Variants in CLSTN3 observed in about 807,000 individuals in gnomAD.
The protein encoded by CLSTN3 is calsyntenin 3, also known as calsyntenin-3.
In CLSTN3, 36 loss-of-function variants were observed where a neutral mutation model predicts 95.9. The observed-to-expected ratio is 0.38, with a 90% CI of 0.29 to 0.50. The LOEUF (loss-of-function observed/expected upper bound fraction) is 0.50. Ranked by LOEUF, CLSTN3 falls within the 20% of genes least tolerant of loss-of-function variation. The pLI is 0.95. For missense variants in CLSTN3, 1,084 were observed against 1,268.8 expected (o/e 0.85, Z 2.21); for synonymous variants, 481 against 504.0 (o/e 0.95, Z 0.61).
rs543988200 is a variant in CLSTN3 at position 7,142,752 on chromosome 12, CT to C, written c.1541-110del. The C allele has an allele frequency of 1.9e-3, 1,092 of 562,502 alleles. 3 individuals carry two copies. The highest frequency in any genetic ancestry group is 2.4e-3 in the Non-Finnish European group (906 of 370,376). 34.8% of individuals were successfully genotyped at this position (562,502 alleles called of 1,614,324 possible). ...TTTTTTTTTGGTTTCCACATTTCTC[CT>C]TTTTTTCTTTCTCAACTCTTCTGCT... is the stretch of plus-strand genomic sequence containing the variant. On this transcript the variant is annotated intron_variant, in intron 10 of 17. Transcript: ENST00000266546.
intron 12 of CLSTN3, among the ~76,000 whole-genome samples, chr12:7,147,690 T>A (rs771646041): frequency 6.6e-6 from 1 of 151,684 alleles, no homozygotes; most frequent in Non-Finnish European, 1.5e-5. Context: ...AATTTTTGTA[T>A]TTTTTGTAGA....
chr12:7,136,022 T>G, intron 5 of CLSTN3, 69 bp downstream of exon 5: 2 of 1,544,114 alleles, frequency 1.3e-6, no homozygotes, highest in Non-Finnish European at 1.7e-6. Flanking sequence ...CTGTCCTTTC[T>G]GACAATCATG....
At position 7,130,657 on chromosome 12, in the gene CLSTN3, C is replaced by T. The variant is rs1565647134; in HGVS notation, c.9C>T (p.Leu3=). 37 of 1,571,022 alleles carry T rather than the reference C, an allele frequency of 2.4e-5. No individual in the cohort carries two copies. Among genetic ancestry groups the T allele is most frequent in the East Asian group, 4.6e-5 (2 of 43,212 alleles). ...CTGCCCCACGCCGCACCATGACCCTCCTGCTGCTGCCCCTTCTGCTGGCCT... is the reference window on the plus strand; with the variant it reads ...CTGCCCCACGCCGCACCATGACCCTTCTGCTGCTGCCCCTTCTGCTGGCCT... The part of the protein sequence containing the change: MT[L]LLLPLLLASL... The change falls in exon 1 of 18, where the codon CTC becomes CTT. Residue 3 remains leucine, a synonymous_variant. Transcript: ENST00000266546.
intron 16 of CLSTN3, among the ~76,000 whole-genome samples, chr12:7,152,333 C>A (rs769560098): frequency 6.6e-6 from 1 of 152,288 alleles, no homozygotes; most frequent in African/African-American, 2.4e-5. Context: ...CTTTCAGAGC[C>A]AATTTATGAG....
chr12:7,151,021 G>C lies in CLSTN3; in HGVS notation c.2485G>C (p.Glu829Gln), dbSNP rs1939714494. ...FLHRGHQPPP[E>Q]MAGHSLASSH... is the part of the protein sequence containing the mutation. ...GCACCGTGGTCACCAGCCCCCGCCT[G>C]AGATGGCTGGACACAGCCTAGCCAG... is the stretch of plus-strand genomic sequence containing the variant. The change falls in exon 16 of 18, where the codon GAG (glutamate) becomes CAG (glutamine). Residue 829 changes from glutamate (E) to glutamine (Q), a missense_variant. Glu to Gln is a conservative substitution (Grantham distance 29). Coordinates refer to ENST00000266546, the MANE Select transcript of CLSTN3 (RefSeq NM_014718.4). 1 of 1,612,140 alleles carries C rather than the reference G, an allele frequency of 6.2e-7. No homozygotes were observed. The highest frequency in any genetic ancestry group is 8.5e-7 in the Non-Finnish European group (1 of 1,178,912).
intron 4 of CLSTN3, 36 bp downstream of exon 4, chr12:7,135,571 C>A (rs1939395615): frequency 6.2e-7 from 1 of 1,600,400 alleles, no homozygotes; most frequent in Non-Finnish European, 8.6e-7. Flanking sequence ...CCACCCAGTT[C>A]CCCTTGAGCA....
At position 7,130,450 on chromosome 12, in the gene CLSTN3, C is replaced by T; in HGVS notation, c.-199C>T. The T allele has an allele frequency of 8.2e-6, 12 of 1,464,998 alleles. No homozygotes were observed. The highest frequency in any genetic ancestry group is 2.7e-5 in the South Asian group (2 of 72,974). The allele number at this position is 1,464,998 out of a possible 1,614,324, so 90.7% of individuals were successfully genotyped here. A position where few individuals can be genotyped will look rare whatever the true frequency, so the allele number is the denominator to read the frequency against. The stretch of plus-strand genomic sequence containing the variant: ...GGGAAACGGGAAGCCGCTGCAAGTC[C>T]ACCGCCTCAGCTACCCAGATTGGGA... On this transcript the variant is annotated 5_prime_UTR_variant, in exon 1 of 18. Transcript: ENST00000266546.
rs925043179 is a variant in CLSTN3, at chr12:7,137,677, T to C, written c.1211-278T>C. Among the ~76,000 whole-genome samples, 1 of 151,162 alleles carries C rather than the reference T, an allele frequency of 6.6e-6. No individual in the cohort carries two copies. Among genetic ancestry groups the C allele is most frequent in the African/African-American group, 2.4e-5 (1 of 41,100 alleles). ...CAAAGGACTGATGAAGAGCTGGTGATGGAGTGGGCCAGCTGATGTTCCCTC... is the reference window on the plus strand; with the variant it reads ...CAAAGGACTGATGAAGAGCTGGTGACGGAGTGGGCCAGCTGATGTTCCCTC... On this transcript the variant is annotated intron_variant, in intron 7 of 17. Transcript: ENST00000266546. This position sits in a 1 kb window ranked among gnomAD's most constrained non-coding sequence, Gnocchi z 4.4.
chr12:7,139,845 C>T (rs886809181), intron 8 of CLSTN3, among the ~76,000 whole-genome samples: 1 of 152,036 alleles, frequency 6.6e-6, no homozygotes, highest in African/African-American at 2.4e-5. Flanking sequence ...GATGGGGTTT[C>T]ACCATGTTGG....
At position 7,136,078 on chromosome 12, in the gene CLSTN3, A is replaced by G. The variant is rs180742169; in HGVS notation, c.742+125A>G. The G allele has an allele frequency of 1.9e-3, 2,840 of 1,492,030 alleles. 12 individuals are homozygous for G. Among genetic ancestry groups the G allele is most frequent in the Middle Eastern group, 9.8e-3 (40 of 4,080 alleles). 92.4% of individuals were successfully genotyped at this position (1,492,030 alleles called of 1,614,324 possible). A position where few individuals can be genotyped will look rare whatever the true frequency, so the allele number is the denominator to read the frequency against. ...ATGATATTGGGGCAGGCTTGCAGCT[A>G]TCTACTCTAGCCGGGCCATCCTGCC... On this transcript the variant is annotated intron_variant, in intron 5 of 17. Transcript: ENST00000266546.
chr12:7,130,798 C>T (rs755050244), intron 1 of CLSTN3, 86 bp downstream of exon 1: 2 of 1,229,050 alleles, frequency 1.6e-6, no homozygotes, highest in Non-Finnish European at 2.3e-6. Context: ...TGTCGAGGCT[C>T]CCTGGCACCT....
intron 5 of CLSTN3, 112 bp downstream of exon 5, chr12:7,136,065 C>A (rs1200341642): frequency 1.2e-5 from 18 of 1,493,590 alleles, no homozygotes; most frequent in Non-Finnish European, 1.4e-5. Flanking sequence ...GATATTGGGG[C>A]AGGCTTGCAG....
chr12:7,153,938 G>A (rs915914247), intron 16 of CLSTN3, among the ~76,000 whole-genome samples: 1 of 152,112 alleles, frequency 6.6e-6, no homozygotes, highest in Non-Finnish European at 1.5e-5. Context: ...GTCTGTTCAC[G>A]GCACCCTTTC....
chr12:7,135,218 T>A (rs145006379), intron 3 of CLSTN3, 109 bp from the exon 4 acceptor site: 1 of 989,744 alleles, frequency 1.0e-6, no homozygotes, highest in Non-Finnish European at 1.6e-6. Flanking sequence ...TATCTTGATG[T>A]ACCGTATCGA....
intron 6 of CLSTN3, 91 bp downstream of exon 6, chr12:7,136,482 G>A: frequency 8.1e-7 from 1 of 1,230,870 alleles, no homozygotes; most frequent in East Asian, 2.5e-5. Flanking sequence ...CATCACCACT[G>A]GCCATCCACA....
chr12:7,153,413 G>C (rs947867271), intron 16 of CLSTN3, among the ~76,000 whole-genome samples: 1 of 152,152 alleles, frequency 6.6e-6, no homozygotes, highest in Non-Finnish European at 1.5e-5. Flanking sequence ...CCGGAGTGCT[G>C]GGATTACAGG....
At position 7,133,259 on chromosome 12, in the gene CLSTN3, A is replaced by T; in HGVS notation, c.187+113A>T. Reference sequence around the variant, plus strand: ...GGGAGTGATGAGAAAGTAAGGGAAGATAAAAGTGGGCTCAAGGAGGGGAAT... The same window carrying T: ...GGGAGTGATGAGAAAGTAAGGGAAGTTAAAAGTGGGCTCAAGGAGGGGAAT... On this transcript the variant is annotated intron_variant, in intron 2 of 17. Coordinates refer to ENST00000266546, the MANE Select transcript of CLSTN3 (RefSeq NM_014718.4). This position sits in a 1 kb window ranked among gnomAD's most constrained non-coding sequence, Gnocchi z 4.7. 2.1e-6 allele frequency: 3 copies of T among 1,402,670 alleles called. No homozygotes were observed. The highest frequency in any genetic ancestry group is 2.3e-5 in the East Asian group (1 of 42,632). The allele number at this position is 1,402,670 out of a possible 1,614,324, so 86.9% of individuals were successfully genotyped here. A position where few individuals can be genotyped will look rare whatever the true frequency, so the allele number is the denominator to read the frequency against.
rs1382295800 is a variant in CLSTN3 at position 7,150,881 on chromosome 12, G to C, written c.2392-47G>C. 6.4e-7 allele frequency: 1 copy of C among 1,550,984 alleles called. No homozygotes were observed. ...GGGCTGGGGTCTAGAGAAGTGGGGA[G>C]GACCTGGGAGAAGCGTGTGTGCCCA... On this transcript the variant is annotated intron_variant, in intron 15 of 17. Coordinates refer to ENST00000266546, the MANE Select transcript of CLSTN3 (RefSeq NM_014718.4). The surrounding 1 kb of genome is among the most constrained non-coding windows in gnomAD (Gnocchi z 4.0).
At chr12:7,143,420 A>T in intron 12 of CLSTN3, 109 bp downstream of exon 12, 1 of 1,276,562 alleles carries the variant, frequency 7.8e-7, no homozygotes, top group East Asian at 2.4e-5. Context: ...TGTTTTATGG[A>T]TGAGGAGATT....
Sources: gnomAD v4.1 joint callset for allele counts (sites outside exome capture counted in the v4.1 genomes callset) on GRCh38, gnomAD v4.1.1 for gene constraint, Gnocchi (gnomAD v3.1) non-coding constraint, MANE v1.5 for transcripts, NCBI Gene and HGNC (gene_info 2026-07-23, HGNC 2026-07-21) for gene names.